The following PDE4D variants were observed in gnomAD, a reference collection of about 807,000 sequenced individuals.
PDE4D encodes phosphodiesterase 4D, also known as 3',5'-cyclic-AMP phosphodiesterase 4D.
A neutral mutation model predicts 87.4 loss-of-function variants in PDE4D; 24 were observed. That is an observed-to-expected ratio of 0.27 (90% confidence interval 0.20 to 0.39). The LOEUF (loss-of-function observed/expected upper bound fraction) is 0.39, where lower values mean the gene tolerates loss of function less well. Among genes scored for constraint, PDE4D ranks in the 10% least tolerant of loss-of-function variants. PDE4D has a pLI of 1.00. For missense variants in PDE4D, 714 were observed against 1,041.0 expected (o/e 0.69, Z 4.32); for synonymous variants, 384 against 383.2 (o/e 1.00, Z -0.02).
chr5:59,388,359 GAGAAAAGGGA>G (rs766480838), intron 1 of PDE4D, among the ~76,000 whole-genome samples: 2 of 152,178 alleles, frequency 1.3e-5, no homozygotes, highest in African/African-American at 2.4e-5. Context: ...CAAGGATGTG[GAGAAAAGGGA>G]AGATGTTTAC....
At chr5:59,478,340 C>G (rs1490456986) in intron 1 of PDE4D, among the ~76,000 whole-genome samples, 1 of 151,980 alleles carries the variant, frequency 6.6e-6, no homozygotes, top group Non-Finnish European at 1.5e-5. Flanking sequence ...TTTGTATGAG[C>G]ACGGATTTGA....
chr5:60,443,486 G>T (rs2150137645), intron 1 of PDE4D, among the ~76,000 whole-genome samples: 1 of 152,270 alleles, frequency 6.6e-6, no homozygotes, highest in African/African-American at 2.4e-5. Context: ...ACTTAAATGA[G>T]GAGGTTCTTT....
intron 1 of PDE4D, among the ~76,000 whole-genome samples, chr5:59,426,008 G>A (rs1277209441): frequency 6.6e-6 from 1 of 152,132 alleles, no homozygotes; most frequent in Non-Finnish European, 1.5e-5. Context: ...AGCCTTTAGG[G>A]TGGGCCTTAA....
At chr5:60,444,632 G>C (rs1373986814) in intron 1 of PDE4D, among the ~76,000 whole-genome samples, 1 of 152,064 alleles carries the variant, frequency 6.6e-6, no homozygotes, top group Non-Finnish European at 1.5e-5. Context: ...GTATGTGTGG[G>C]AGAACACTTT....
intron 1 of PDE4D, among the ~76,000 whole-genome samples, chr5:59,798,254 C>G (rs901229327): frequency 7.0e-6 from 1 of 143,850 alleles, no homozygotes. Context: ...ATATAAATGC[C>G]TGTGTGTGTG....
intron 1 of PDE4D, among the ~76,000 whole-genome samples, chr5:59,779,249 G>T (rs768699084): frequency 1.3e-5 from 2 of 151,956 alleles, no homozygotes; most frequent in Non-Finnish European, 2.9e-5. Context: ...GATAATATAT[G>T]ATGTATTCTC....
intron 1 of PDE4D, among the ~76,000 whole-genome samples, chr5:59,712,593 G>T (rs1754371643): frequency 6.7e-6 from 1 of 149,936 alleles, no homozygotes; most frequent in Non-Finnish European, 1.5e-5. Context: ...CAAAAAATGT[G>T]CTGATACAGA....
Position 59,215,865 on chromosome 5 carries a change from G to A in PDE4D, c.559C>T (p.Arg187Ter). ...GATCGATACAGGAAGGACTCCCGTC[G>A]TTGACTGTGGACAAAATTTGCTTGG... ...ILQANFVHSQ[R>*]RESFLYRSDS... The change falls in exon 2 of 15, where the codon CGA becomes TGA. Residue 187 changes from arginine (R) to a stop codon, truncating the protein, a stop_gained. Coordinates refer to ENST00000340635, the MANE Select transcript of PDE4D (RefSeq NM_001104631.2). LOFTEE classifies it high-confidence loss of function. 7 of 1,613,604 alleles carry A rather than the reference G, an allele frequency of 4.3e-6. No individual in the cohort carries two copies. The East Asian group carries it at 8.9e-5, about 21-fold the overall frequency.
chr5:60,441,657 A>G (rs1271131113), intron 1 of PDE4D, among the ~76,000 whole-genome samples: 1 of 152,232 alleles, frequency 6.6e-6, no homozygotes, highest in East Asian at 1.9e-4. Context: ...GGCACCCTAC[A>G]GAGTGGGAGA....
At chr5:59,607,759 C>T (rs1828414773) in intron 1 of PDE4D, among the ~76,000 whole-genome samples, 1 of 151,894 alleles carries the variant, frequency 6.6e-6, no homozygotes, top group Admixed American at 6.6e-5. Context: ...AATGCGGAAA[C>T]AATAAAGGAA....
chr5:60,503,230 C>G (rs1750176084), intron 1 of PDE4D, among the ~76,000 whole-genome samples: 1 of 152,018 alleles, frequency 6.6e-6, no homozygotes, highest in Non-Finnish European at 1.5e-5. Context: ...CAGCAGAAAA[C>G]AAGACAAAAC....
At chr5:60,133,685 G>A (rs1269328670) in intron 2 of PDE4D, among the ~76,000 whole-genome samples, 1 of 152,160 alleles carries the variant, frequency 6.6e-6, no homozygotes, top group African/African-American at 2.4e-5. Flanking sequence ...CTAACTGGAC[G>A]TTTCCATTAA....
intron 1 of PDE4D, among the ~76,000 whole-genome samples, chr5:60,444,843 C>T (rs964293571): frequency 6.7e-6 from 1 of 149,762 alleles, no homozygotes; most frequent in African/African-American, 2.5e-5. Flanking sequence ...CTTCCTGTGG[C>T]ACAGAGGTTA....
chr5:59,758,769 T>C (rs976507004), intron 1 of PDE4D, among the ~76,000 whole-genome samples: 2 of 152,184 alleles, frequency 1.3e-5, no homozygotes, highest in African/African-American at 2.4e-5. Context: ...TTTTTACCCA[T>C]GTAGCATCTA....
At position 59,572,345 on chromosome 5, in the gene PDE4D, T is replaced by A. The variant is rs115953754; in HGVS notation, c.455+320823A>T. Among the ~76,000 whole-genome samples, 439 of 152,330 alleles carry A rather than the reference T, an allele frequency of 2.9e-3. 4 individuals carry two copies. Among genetic ancestry groups the A allele is most frequent in the African/African-American group, 9.0e-3 (376 of 41,580 alleles). ...AAATTTGGCAAGACATACCATTTTT[T>A]AATAAGAAACATATTTTTTATTTGG... On this transcript the variant is annotated intron_variant, in intron 1 of 14. Transcript: ENST00000340635.
intron 2 of PDE4D, among the ~76,000 whole-genome samples, chr5:60,115,373 C>T (rs941157794): frequency 1.3e-5 from 2 of 152,032 alleles, no homozygotes; most frequent in African/African-American, 4.8e-5. Flanking sequence ...CACAGAAACA[C>T]CTTCAGGGTG....
rs562980215 is a variant in PDE4D at position 60,158,568 on chromosome 5, T to C, written c.42+26989A>G. On this transcript the variant is annotated intron_variant, in intron 2 of 16. Coordinates refer to the PDE4D transcript ENST00000502484. The stretch of plus-strand genomic sequence containing the variant: ...AGCTATGCTAAATTTATTTATTTTT[T>C]ATTTATTTTTTTGAGACAAAGTCTC... 5.9e-5 allele frequency among the ~76,000 whole-genome samples: 9 copies of C among 152,258 alleles called. No individual in the cohort carries two copies. In the South Asian group the frequency reaches 1.2e-3, roughly 21 times the overall value.
At chr5:59,315,143 C>A (rs1237325380) in intron 1 of PDE4D, among the ~76,000 whole-genome samples, 1 of 152,130 alleles carries the variant, frequency 6.6e-6, no homozygotes, top group East Asian at 1.9e-4. Context: ...ATAATAAATT[C>A]CATTCCCCTC....
intron 1 of PDE4D, among the ~76,000 whole-genome samples, chr5:60,221,996 C>T (rs1399525023): frequency 6.6e-6 from 1 of 152,066 alleles, no homozygotes; most frequent in Non-Finnish European, 1.5e-5. Context: ...TGCAATAGTC[C>T]TTGCTTCCTT....
Sources: allele counts gnomAD v4.1 joint callset (sites outside exome capture counted in the v4.1 genomes callset), GRCh38; gene constraint gnomAD v4.1.1; transcripts MANE v1.5; gene names NCBI Gene and HGNC (gene_info 2026-07-23, HGNC 2026-07-21).